PATJ: variants seen among roughly 807,000 people sequenced by gnomAD.
The protein encoded by PATJ is PATJ crumbs cell polarity complex component.
PATJ carries 190 observed loss-of-function variants against 224.9 expected under a neutral mutation model. The ratio of observed to expected loss-of-function variants is 0.84; its 90% CI spans 0.75 to 0.95. PATJ has a LOEUF of 0.95. Among genes scored for constraint, PATJ ranks in the 40% least tolerant of loss-of-function variants. The probability of loss-of-function intolerance (pLI) is 0.00; values close to 1 mark genes in which losing one functional copy is unlikely to be tolerated. For missense variants in PATJ, 2,121 were observed against 2,270.3 expected (o/e 0.93, Z 1.34); for synonymous variants, 769 against 820.3 (o/e 0.94, Z 1.07).
rs374072691 is a variant in PATJ, at chr1:61,805,570, A to T, written c.1626+46A>T. ...AAAAAACATTCATGTCTCATTTCACATCAAGTTTCTAACAGTACGATCCAA... is the reference window on the plus strand; with the variant it reads ...AAAAAACATTCATGTCTCATTTCACTTCAAGTTTCTAACAGTACGATCCAA... On this transcript the variant is annotated intron_variant, in intron 13 of 43. Coordinates refer to ENST00000642238, the MANE Select transcript of PATJ (RefSeq NM_001350145.3). 3 of 1,151,766 alleles carry T rather than the reference A, an allele frequency of 2.6e-6. No homozygotes were observed. In the African/African-American group the frequency reaches 4.6e-5, roughly 18 times the overall value. The allele number at this position is 1,151,766 out of a possible 1,614,324, so 71.3% of individuals were successfully genotyped here. A position where few individuals can be genotyped will look rare whatever the true frequency, so the allele number is the denominator to read the frequency against.
chr1:61,818,393 G>A (rs547161085), intron 14 of PATJ, among the ~76,000 whole-genome samples: 6 of 152,288 alleles, frequency 3.9e-5, no homozygotes, highest in Admixed American at 1.3e-4. Context: ...GGCACCAGTC[G>A]TCTGTTTCAC....
intron 33 of PATJ, among the ~76,000 whole-genome samples, chr1:62,105,260 G>A (rs1662762266): frequency 6.6e-6 from 1 of 152,100 alleles, no homozygotes; most frequent in Non-Finnish European, 1.5e-5. Flanking sequence ...TTTCTTTTGA[G>A]TACGAGTGAA....
At chr1:62,024,591 A>G (rs937016702) in intron 29 of PATJ, among the ~76,000 whole-genome samples, 1 of 149,288 alleles carries the variant, frequency 6.7e-6, no homozygotes, top group African/African-American at 2.5e-5. Flanking sequence ...TTTGCTGGTC[A>G]ATATTTATAC....
In PATJ at chr1:61,899,590, C is replaced by T. The variant is rs1357253145; in HGVS notation, c.3139C>T (p.Pro1047Ser). Residue 1047 changes from proline (P) to serine (S), a missense_variant, in exon 23 of 44, where the codon CCT (proline) becomes TCT (serine). Transcript: ENST00000642238. ...SRYATDTCEL[P>S]EREEGEGEET... ...TTCTTTCTCCCTCTGTAGTGAGTTA[C>T]CTGAGAGAGAAGAAGGCGAAGGAGA... 1 of 1,607,920 alleles carries T rather than the reference C, an allele frequency of 6.2e-7. No individual in the cohort carries two copies. The highest frequency in any genetic ancestry group is 8.5e-7 in the Non-Finnish European group (1 of 1,177,172).
At chr1:61,971,772 T>C (rs540735083) in intron 27 of PATJ, among the ~76,000 whole-genome samples, 1 of 151,922 alleles carries the variant, frequency 6.6e-6, no homozygotes, top group South Asian at 2.1e-4. Context: ...GGCAGAAGGA[T>C]TGCATGATCC....
At chr1:61,808,782 A>G (rs962158995) in intron 14 of PATJ, among the ~76,000 whole-genome samples, 6 of 152,162 alleles carry the variant, frequency 3.9e-5, no homozygotes, top group African/African-American at 1.4e-4. Flanking sequence ...TTAGTCTTGC[A>G]TGTTTCCTAG....
chr1:61,782,210 T>TA (rs1647494183), intron 7 of PATJ, among the ~76,000 whole-genome samples: 2 of 152,216 alleles, frequency 1.3e-5, no homozygotes, highest in Non-Finnish European at 2.9e-5. Context: ...AAAGTAGTCT[T>TA]AGGCCTGCCA....
At chr1:62,054,599 G>C (rs1654223332) in intron 31 of PATJ, among the ~76,000 whole-genome samples, 1 of 152,186 alleles carries the variant, frequency 6.6e-6, no homozygotes, top group African/African-American at 2.4e-5. Context: ...GATTCTGATT[G>C]TGAGAGACTG....
chr1:61,799,254 G>A (rs1476348686), intron 11 of PATJ, among the ~76,000 whole-genome samples: 4 of 152,148 alleles, frequency 2.6e-5, no homozygotes, highest in East Asian at 1.9e-4. Context: ...GTGCAATGGC[G>A]CGATCTTGGC....
chr1:62,001,732 T>C (rs2149610081), intron 28 of PATJ, among the ~76,000 whole-genome samples: 1 of 152,230 alleles, frequency 6.6e-6, no homozygotes, highest in South Asian at 2.1e-4. Context: ...AAGTGATTGG[T>C]AGCTTGATGG....
At chr1:62,095,205 T>C (rs551478648) in intron 33 of PATJ, among the ~76,000 whole-genome samples, 4 of 152,268 alleles carry the variant, frequency 2.6e-5, no homozygotes, top group Admixed American at 6.5e-5. Context: ...TTCATCCAAA[T>C]TGTAAAATTG....
At chr1:61,903,112 C>T (rs548839593) in intron 24 of PATJ, among the ~76,000 whole-genome samples, 3 of 152,176 alleles carry the variant, frequency 2.0e-5, no homozygotes, top group Admixed American at 1.3e-4. Flanking sequence ...CTGAACGCAG[C>T]GGAGAGTCAC....
intron 16 of PATJ, among the ~76,000 whole-genome samples, chr1:61,828,302 A>G (rs1658659697): frequency 1.3e-5 from 2 of 152,004 alleles, no homozygotes; most frequent in South Asian, 4.1e-4. Context: ...AAATTGCCAT[A>G]AAACCCTTCA....
chr1:62,037,398 T>C (rs767272955), intron 29 of PATJ, among the ~76,000 whole-genome samples: 88 of 152,200 alleles, frequency 5.8e-4, no homozygotes, highest in Non-Finnish European at 9.6e-4. Context: ...TCTACTCCAT[T>C]GGGATGAGGA....
intron 14 of PATJ, among the ~76,000 whole-genome samples, chr1:61,812,641 G>A (rs1471669980): frequency 1.3e-5 from 2 of 151,896 alleles, no homozygotes; most frequent in Admixed American, 6.6e-5. Flanking sequence ...CTGAGGTCAG[G>A]AGTTCAAGAC....
At chr1:62,077,212 G>C (rs910834006) in intron 31 of PATJ, among the ~76,000 whole-genome samples, 1 of 152,122 alleles carries the variant, frequency 6.6e-6, no homozygotes, top group Non-Finnish European at 1.5e-5. Context: ...CCAGGACTTA[G>C]CCTGTTGGCA....
At chr1:61,777,797 TCC>T (rs1165192081) in intron 7 of PATJ, among the ~76,000 whole-genome samples, 1 of 140,012 alleles carries the variant, frequency 7.1e-6, no homozygotes, top group Non-Finnish European at 1.5e-5. Context: ...AGCCTCGACC[TCC>T]CAGGCTCAAG....
chr1:61,771,913 G>A (rs1176521157), intron 6 of PATJ, among the ~76,000 whole-genome samples: 1 of 151,732 alleles, frequency 6.6e-6, no homozygotes, highest in African/African-American at 2.4e-5. Flanking sequence ...GTAGAGACGG[G>A]GTTTCATCAT....
intron 28 of PATJ, among the ~76,000 whole-genome samples, chr1:62,009,564 G>A (rs1646304206): frequency 6.6e-6 from 1 of 151,812 alleles, no homozygotes; most frequent in Admixed American, 6.6e-5. Context: ...GGGTGGCTGT[G>A]ACAACTTCTT....
Sources: gnomAD v4.1 joint callset for allele counts (sites outside exome capture counted in the v4.1 genomes callset) on GRCh38, gnomAD v4.1.1 for gene constraint, MANE v1.5 for transcripts, NCBI Gene and HGNC (gene_info 2026-07-23, HGNC 2026-07-21) for gene names.